Variants in BANK1 observed in about 807,000 individuals in gnomAD.
BANK1 encodes B-cell scaffold protein with ankyrin repeats.
Under a neutral mutation model 94.5 loss-of-function variants are expected in BANK1, and 95 were observed. That is an observed-to-expected ratio of 1.00 (90% CI 0.85 to 1.19). BANK1 has a LOEUF of 1.19. BANK1 is among the 50% of genes most tolerant of loss of function. The pLI is 0.00. For missense variants in BANK1, 987 were observed against 932.2 expected (o/e 1.06, Z -0.77); for synonymous variants, 334 against 308.4 (o/e 1.08, Z -0.87).
At chr4:101,974,064 A>G (rs987784922) in intron 7 of BANK1, among the ~76,000 whole-genome samples, 1 of 152,118 alleles carries the variant, frequency 6.6e-6, no homozygotes, top group African/African-American at 2.4e-5. Context: ...GTGTTCAGTA[A>G]ATACTTATTG....
At chr4:101,860,920 A>C (rs918420661) in intron 3 of BANK1, among the ~76,000 whole-genome samples, 6 of 152,240 alleles carry the variant, frequency 3.9e-5, no homozygotes, top group Non-Finnish European at 2.9e-5. Context: ...ACTGAGCCCA[A>C]GTGAAATGGA....
intron 7 of BANK1, among the ~76,000 whole-genome samples, chr4:101,945,685 G>A (rs996548152): frequency 6.6e-6 from 1 of 151,810 alleles, no homozygotes; most frequent in African/African-American, 2.4e-5. Flanking sequence ...GCTCCTTTAT[G>A]TTCATGGTTG....
At chr4:101,965,277 A>G (rs1724713665) in intron 7 of BANK1, among the ~76,000 whole-genome samples, 1 of 151,868 alleles carries the variant, frequency 6.6e-6, no homozygotes, top group Non-Finnish European at 1.5e-5. Context: ...TGAAGTCCAG[A>G]AGAAACTAAA....
chr4:101,827,284 T>C (rs965088590), intron 1 of BANK1, among the ~76,000 whole-genome samples: 13 of 152,030 alleles, frequency 8.6e-5, no homozygotes, highest in Admixed American at 8.5e-4. Context: ...TATCTTTAAA[T>C]ATAAAGTTAA....
chr4:102,063,747 G>A (rs1456774484), intron 13 of BANK1, among the ~76,000 whole-genome samples: 1 of 150,278 alleles, frequency 6.7e-6, no homozygotes, highest in African/African-American at 2.5e-5. Flanking sequence ...CCCCCGGAAG[G>A]CACAGAGATT....
intron 6 of BANK1, among the ~76,000 whole-genome samples, chr4:101,909,294 A>G (rs1212351958): frequency 6.6e-6 from 1 of 152,194 alleles, no homozygotes; most frequent in Non-Finnish European, 1.5e-5. Flanking sequence ...TCACAAGGGC[A>G]AAAAACCAAA....
intron 7 of BANK1, among the ~76,000 whole-genome samples, chr4:102,007,097 AT>A (rs1553940654): frequency 2.6e-5 from 2 of 77,018 alleles, no homozygotes; most frequent in African/African-American, 4.3e-5. Context: ...TATATAATAT[AT>A]TTATATATAT....
chr4:102,024,399 A>G lies in BANK1; in HGVS notation c.1286-802A>G, dbSNP rs190621621. The stretch of plus-strand genomic sequence containing the variant: ...AGAATATTTTTATAAAGAAAATTTA[A>G]TAAAAGTTTTTTCTGAAGATTTAAA... On this transcript the variant is annotated intron_variant, in intron 8 of 16. Transcript: ENST00000322953. Among the ~76,000 whole-genome samples the G allele has an allele frequency of 3.4e-3, 516 of 152,186 alleles. 6 individuals are homozygous for G. Among genetic ancestry groups the G allele is most frequent in the Non-Finnish European group, 5.2e-3 (354 of 67,950 alleles).
chr4:102,064,296 T>TAAA (rs1039163233), intron 13 of BANK1, among the ~76,000 whole-genome samples: 1 of 152,190 alleles, frequency 6.6e-6, no homozygotes, highest in African/African-American at 2.4e-5. Context: ...ATATACTTTC[T>TAAA]AAAATAATTA....
chr4:101,922,567 A>G (rs970998152), intron 7 of BANK1, among the ~76,000 whole-genome samples: 2 of 151,804 alleles, frequency 1.3e-5, no homozygotes, highest in Non-Finnish European at 1.5e-5. Flanking sequence ...TTTCCCAATC[A>G]TATACTTAAC....
intron 9 of BANK1, among the ~76,000 whole-genome samples, chr4:102,028,705 T>A (rs1727183345): frequency 6.6e-6 from 1 of 152,186 alleles, no homozygotes; most frequent in South Asian, 2.1e-4. Flanking sequence ...ATTATATCTG[T>A]TATTAATAAC....
chr4:102,009,945 T>C (rs2148941148), intron 7 of BANK1, among the ~76,000 whole-genome samples: 1 of 152,276 alleles, frequency 6.6e-6, no homozygotes, highest in East Asian at 1.9e-4. Context: ...AGATTCTGAG[T>C]AAATGTTTTT....
intron 1 of BANK1, chr4:101,813,882 T>G (rs1477542096): frequency 2.0e-6 from 2 of 985,368 alleles, no homozygotes; most frequent in East Asian, 1.1e-4. Context: ...GGGGACTACT[T>G]GCTTGCTGGT....
chr4:102,062,951 A>G, intron 12 of BANK1, 124 bp from the exon 13 acceptor site: 3 of 676,434 alleles, frequency 4.4e-6, no homozygotes, highest in East Asian at 2.7e-5. Context: ...GGCAATTGAG[A>G]CATCATAAGT....
chr4:101,792,007 A>T (rs1251199342), intron 1 of BANK1, among the ~76,000 whole-genome samples: 1 of 152,186 alleles, frequency 6.6e-6, no homozygotes, highest in African/African-American at 2.4e-5. Flanking sequence ...ATCTATAAAT[A>T]AACCAACCAT....
chr4:102,037,446 T>C (rs566515384), intron 10 of BANK1, among the ~76,000 whole-genome samples: 9 of 152,246 alleles, frequency 5.9e-5, no homozygotes, highest in Non-Finnish European at 1.2e-4. Context: ...TACTGTCTTT[T>C]TAGTCACTTT....
intron 6 of BANK1, among the ~76,000 whole-genome samples, chr4:101,913,240 A>C (rs1284075701): frequency 6.6e-6 from 1 of 152,162 alleles, no homozygotes; most frequent in African/African-American, 2.4e-5. Context: ...AAAAGAATGC[A>C]AACACATTTG....
At chr4:102,011,119 C>G (rs763888032) in intron 7 of BANK1, among the ~76,000 whole-genome samples, 1 of 152,178 alleles carries the variant, frequency 6.6e-6, no homozygotes, top group Non-Finnish European at 1.5e-5. Flanking sequence ...CATCAAATGC[C>G]TCCACCTTAC....
At chr4:101,979,887 T>G (rs1450016666) in intron 7 of BANK1, among the ~76,000 whole-genome samples, 2 of 151,874 alleles carry the variant, frequency 1.3e-5, no homozygotes, top group Non-Finnish European at 2.9e-5. Context: ...GGTATCTGAC[T>G]TCTCTTAGTA....
Sources: gnomAD v4.1 joint callset for allele counts (sites outside exome capture counted in the v4.1 genomes callset) on GRCh38, gnomAD v4.1.1 for gene constraint, MANE v1.5 for transcripts, NCBI Gene and HGNC (gene_info 2026-07-23, HGNC 2026-07-21) for gene names.